CIST1: variants seen among roughly 807,000 people sequenced by gnomAD.
CIST1 encodes colon, intestine and stomach enriched 1.
chr19:18,251,033 C>T, the CIST1 span, among the ~76,000 whole-genome samples: 66 of 152,210 alleles, frequency 4.3e-4, 1 homozygote, highest in African/African-American at 1.6e-3. Context: ...GCCTCGGCCT[C>T]CCAAAGTGCT....
the CIST1 span, among the ~76,000 whole-genome samples, chr19:18,251,910 G>A: frequency 0.024 from 3,612 of 151,802 alleles, 151 homozygotes; most frequent in African/African-American, 0.084. Flanking sequence ...TAATAAATGC[G>A]CATAGCATGA....
chr19:18,252,032 C>T, the CIST1 span: 1 of 398,752 alleles, frequency 2.5e-6, no homozygotes, highest in East Asian at 3.6e-5. Flanking sequence ...CCCGCCACCT[C>T]CCTACAAACA....
At chr19:18,252,098 G>A in the CIST1 span, 24 of 399,138 alleles carry the variant, frequency 6.0e-5, no homozygotes, top group East Asian at 7.8e-4. Flanking sequence ...GGTCAGTGGA[G>A]GTCAAGGGCT....
the CIST1 span, among the ~76,000 whole-genome samples, chr19:18,253,729 C>T: frequency 6.6e-6 from 1 of 152,278 alleles, no homozygotes; most frequent in Non-Finnish European, 1.5e-5. Context: ...GGGAACATGT[C>T]TCCGGAACCC....
the CIST1 span, among the ~76,000 whole-genome samples, chr19:18,253,914 T>G: frequency 8.5e-4 from 130 of 152,294 alleles, no homozygotes; most frequent in African/African-American, 3.1e-3. Context: ...TCATCAACTC[T>G]CTGCTCCACC....
At chr19:18,249,960 C>T in the CIST1 span, 1 of 396,014 alleles carries the variant, frequency 2.5e-6, no homozygotes, top group Admixed American at 4.4e-5. Context: ...GACCCCAGCA[C>T]AGAGCCCAGC....
chr19:18,254,169 G>C, the CIST1 span, among the ~76,000 whole-genome samples: 1 of 152,198 alleles, frequency 6.6e-6, no homozygotes, highest in East Asian at 1.9e-4. Context: ...GAGTAGCAGA[G>C]GGTCTGGCCT....
chr19:18,250,262 C>T, the CIST1 span: 2,045 of 399,088 alleles, frequency 5.1e-3, 46 homozygotes, highest in African/African-American at 0.038. Context: ...GCAGCTCCCC[C>T]AACCATGCCT....
chr19:18,252,087 T>C, the CIST1 span: 1 of 398,816 alleles, frequency 2.5e-6, no homozygotes, highest in Admixed American at 4.4e-5. Flanking sequence ...CTCCAAGGTC[T>C]GGTCAGTGGA....
chr19:18,252,389 A>G, the CIST1 span: 1 of 398,976 alleles, frequency 2.5e-6, no homozygotes, highest in Admixed American at 4.4e-5. Flanking sequence ...GTTCCCCTGA[A>G]CTGTGGGTGC....
At chr19:18,252,494 G>A in the CIST1 span, 4 of 389,324 alleles carry the variant, frequency 1.0e-5, no homozygotes, top group Admixed American at 1.3e-4. Context: ...ACTGGGCGCG[G>A]TGGCTCACGC....
the CIST1 span, chr19:18,255,302 C>A: frequency 2.5e-6 from 1 of 399,228 alleles, no homozygotes; most frequent in African/African-American, 2.1e-5. This position sits in a 1 kb window ranked among gnomAD's most constrained non-coding sequence, Gnocchi z 4.6. Flanking sequence ...GCTGGGGGCA[C>A]GCCATTCCTG....
chr19:18,250,323 C>T, the CIST1 span: 4 of 399,030 alleles, frequency 1.0e-5, no homozygotes, highest in Non-Finnish European at 1.3e-5. Context: ...ATGGACACCT[C>T]GTCCAGGTTC....
the CIST1 span, among the ~76,000 whole-genome samples, chr19:18,250,633 G>C: frequency 6.6e-6 from 1 of 152,134 alleles, no homozygotes; most frequent in Non-Finnish European, 1.5e-5. Flanking sequence ...TAGAGACAGG[G>C]TCTCACTCTG....
the CIST1 span, chr19:18,250,599 C>T: frequency 2.5e-6 from 1 of 396,434 alleles, no homozygotes. Context: ...CCAGTTGAGG[C>T]TGCCACTTTT....
the CIST1 span, chr19:18,252,336 G>T: frequency 1.0e-5 from 4 of 399,026 alleles, no homozygotes; most frequent in Non-Finnish European, 1.8e-5. Context: ...GTGGGTTATG[G>T]AGTCTGTCTC....
At chr19:18,252,475 GA>G in the CIST1 span, 1 of 387,326 alleles carries the variant, frequency 2.6e-6, no homozygotes, top group Non-Finnish European at 4.4e-6. Context: ...ACAATATCTG[GA>G]AAGAAAAACT....
the CIST1 span, among the ~76,000 whole-genome samples, chr19:18,254,512 C>G: frequency 6.6e-6 from 1 of 152,316 alleles, no homozygotes; most frequent in South Asian, 2.1e-4. Context: ...CCAAGTCAAC[C>G]AGTTCTAATC....
At chr19:18,252,126 GA>G in the CIST1 span, 1 of 399,268 alleles carries the variant, frequency 2.5e-6, no homozygotes, top group Non-Finnish European at 4.4e-6. Context: ...GGGGCTGTGG[GA>G]AGTGGGGCTC....
Sources: gnomAD v4.1 joint callset for allele counts (sites outside exome capture counted in the v4.1 genomes callset) on GRCh38, gnomAD v4.1.1 for gene constraint, Gnocchi (gnomAD v3.1) non-coding constraint, MANE v1.5 for transcripts, NCBI Gene and HGNC (gene_info 2026-07-23, HGNC 2026-07-21) for gene names.